YAP1: variants seen among roughly 807,000 people sequenced by gnomAD.
YAP1 encodes the protein Yes1 associated transcriptional regulator.
YAP1 carries 5 observed loss-of-function variants against 56.9 expected under a neutral mutation model. The ratio of observed to expected loss-of-function variants is 0.09; its 90% CI spans 0.05 to 0.18. The LOEUF is 0.18. Among genes scored for constraint, YAP1 ranks in the 10% least tolerant of loss-of-function variants. The pLI, the probability that YAP1 is intolerant of heterozygous loss-of-function variation, is 1.00. For missense variants in YAP1, 539 were observed against 651.8 expected (o/e 0.83, Z 1.88); for synonymous variants, 265 against 248.1 (o/e 1.07, Z -0.64).
At chr11:102,165,998 A>G (rs753213044) in intron 3 of YAP1, among the ~76,000 whole-genome samples, 1 of 152,196 alleles carries the variant, frequency 6.6e-6, no homozygotes, top group Non-Finnish European at 1.5e-5. Context: ...ATTCAAAGAG[A>G]GCACTCGAGG....
intron 1 of YAP1, chr11:102,112,885 C>T (rs538168961): frequency 1.7e-6 from 1 of 605,824 alleles, no homozygotes; most frequent in African/African-American, 2.0e-5. Context: ...TTTGTGGCAT[C>T]AGCCACAAAG....
At chr11:102,127,716 G>A (rs1223533359) in intron 2 of YAP1, among the ~76,000 whole-genome samples, 1 of 152,218 alleles carries the variant, frequency 6.6e-6, no homozygotes, top group Non-Finnish European at 1.5e-5. Flanking sequence ...CAGAATGGTA[G>A]ATCCACTGAC....
In YAP1 at chr11:102,164,281, C is replaced by A. The variant is rs917202740; in HGVS notation, c.688+1710C>A. ...AACTCCTGACCTTGTGATCTGCCCA[C>A]CTTGGCCTCCCAAAGTGCTGGGATA... On this transcript the variant is annotated intron_variant, in intron 3 of 8. Transcript: ENST00000282441. Among the ~76,000 whole-genome samples, 275 of 152,288 alleles carry A rather than the reference C, an allele frequency of 1.8e-3. 7 individuals are homozygous for A. The highest frequency in any genetic ancestry group is 7.6e-4 in the Non-Finnish European group (52 of 68,020).
At chr11:102,221,021 G>A (rs1949902266) in intron 6 of YAP1, among the ~76,000 whole-genome samples, 1 of 152,194 alleles carries the variant, frequency 6.6e-6, no homozygotes, top group Admixed American at 6.5e-5. Context: ...GGATCTTAGT[G>A]GCTGTGCAAT....
At position 102,114,468 on chromosome 11, in the gene YAP1, A is replaced by G. The variant is rs1044766807; in HGVS notation, c.572+74A>G. ...TGGAAAACACAGTAAAGTGGTGTCAAGATACAGAATATCATTTATTTTTAT... is the reference window on the plus strand; with the variant it reads ...TGGAAAACACAGTAAAGTGGTGTCAGGATACAGAATATCATTTATTTTTAT... On this transcript the variant is annotated intron_variant, in intron 2 of 8. Coordinates refer to ENST00000282441, the MANE Select transcript of YAP1 (RefSeq NM_001130145.3). 12 of 1,506,316 alleles carry G rather than the reference A, an allele frequency of 8.0e-6. No individual in the cohort carries two copies. The African/African-American group carries it at 1.4e-4, about 17-fold the overall frequency. 93.3% of individuals were successfully genotyped at this position (1,506,316 alleles called of 1,614,324 possible). A position where few individuals can be genotyped will look rare whatever the true frequency, so the allele number is the denominator to read the frequency against.
chr11:102,222,131 T>C (rs1293757321), intron 6 of YAP1, among the ~76,000 whole-genome samples: 2 of 152,160 alleles, frequency 1.3e-5, no homozygotes, highest in Non-Finnish European at 2.9e-5. Context: ...TAGGAGAAGC[T>C]TTCCATACTT....
chr11:102,127,732 G>T (rs1944118669), intron 2 of YAP1, among the ~76,000 whole-genome samples: 1 of 152,150 alleles, frequency 6.6e-6, no homozygotes, highest in Admixed American at 6.5e-5. Context: ...CTGACACCTT[G>T]CATCGTGCTC....
chr11:102,205,879 T>C lies in YAP1; in HGVS notation c.803-14T>C. On this transcript the variant is annotated splice_polypyrimidine_tract_variant and intron_variant, in intron 4 of 8. Coordinates refer to ENST00000282441, the MANE Select transcript of YAP1 (RefSeq NM_001130145.3). ...AGTTTTTTAGGACAGATTTTTTTTT[T>C]CTTTTCATTTCAGCCATGAACCAGA... 6.8e-7 allele frequency: 1 copy of C among 1,470,664 alleles called. No homozygotes were observed. The highest frequency in any genetic ancestry group is 9.0e-7 in the Non-Finnish European group (1 of 1,105,112). The allele number at this position is 1,470,664 out of a possible 1,614,324, so 91.1% of individuals were successfully genotyped here.
chr11:102,150,173 G>A (rs1249646160), intron 2 of YAP1, among the ~76,000 whole-genome samples: 1 of 151,688 alleles, frequency 6.6e-6, no homozygotes, highest in African/African-American at 2.4e-5. Context: ...TACTAGAGAC[G>A]AGGTTTCACC....
At chr11:102,132,872 A>G (rs1036960654) in intron 2 of YAP1, among the ~76,000 whole-genome samples, 1 of 152,178 alleles carries the variant, frequency 6.6e-6, no homozygotes, top group Non-Finnish European at 1.5e-5. Context: ...TTTTACTGGC[A>G]TAGGGGCCCG....
intron 2 of YAP1, among the ~76,000 whole-genome samples, chr11:102,161,053 CTTTT>C (rs67023819): frequency 4.0e-5 from 3 of 75,492 alleles, no homozygotes; most frequent in Admixed American, 1.9e-4. Context: ...TAATTTCTTT[CTTTT>C]TTTTTTTTTT....
chr11:102,126,343 G>A (rs576764065), intron 2 of YAP1, among the ~76,000 whole-genome samples: 10 of 152,284 alleles, frequency 6.6e-5, no homozygotes, highest in Admixed American at 1.3e-4. Flanking sequence ...AAATCTCAAT[G>A]TGAATTTTAT....
At position 102,196,225 on chromosome 11, in the gene YAP1, G is replaced by A. The variant is rs547047443; in HGVS notation, c.803-9668G>A. ...AAGAATTGGGAACGTATGTCTCCAC[G>A]TTGTGGGAACGTATGTCTCCACAAA... is the stretch of plus-strand genomic sequence containing the variant. On this transcript the variant is annotated intron_variant, in intron 4 of 8. Coordinates refer to ENST00000282441, the MANE Select transcript of YAP1 (RefSeq NM_001130145.3). Among the ~76,000 whole-genome samples the A allele has an allele frequency of 4.6e-5, 7 of 152,042 alleles. No homozygotes were observed. The South Asian group carries it at 6.2e-4, about 14-fold the overall frequency.
chr11:102,205,291 A>T (rs1949063998), intron 4 of YAP1, among the ~76,000 whole-genome samples: 1 of 151,976 alleles, frequency 6.6e-6, no homozygotes, highest in South Asian at 2.1e-4. Context: ...TACTTGCTTT[A>T]TTGGGATGTG....
chr11:102,201,135 G>A (rs538864039), intron 4 of YAP1, among the ~76,000 whole-genome samples: 10 of 152,140 alleles, frequency 6.6e-5, no homozygotes, highest in Non-Finnish European at 1.2e-4. Flanking sequence ...ATTCTGTACA[G>A]TACTCTTTAC....
rs371308130 is a variant in YAP1 at position 102,191,495 on chromosome 11, C to T, written c.802+5364C>T. On this transcript the variant is annotated intron_variant, in intron 4 of 8. Coordinates refer to ENST00000282441, the MANE Select transcript of YAP1 (RefSeq NM_001130145.3). ...GAAATTTGAATTTGATCTTTTGATA[C>T]CTAGAATTTAAAAGAAATTTAGATT... Among the ~76,000 whole-genome samples, 20 of 151,914 alleles carry T rather than the reference C, an allele frequency of 1.3e-4. No individual in the cohort carries two copies. The East Asian group carries it at 2.5e-3, about 19-fold the overall frequency.
intron 2 of YAP1, among the ~76,000 whole-genome samples, chr11:102,160,405 T>A (rs1461812401): frequency 1.3e-5 from 2 of 152,218 alleles, no homozygotes; most frequent in Non-Finnish European, 2.9e-5. Context: ...AGTTTATCTC[T>A]TTACCAGTGC....
intron 2 of YAP1, among the ~76,000 whole-genome samples, chr11:102,116,244 A>G (rs1055921280): frequency 1.3e-5 from 2 of 152,244 alleles, no homozygotes; most frequent in African/African-American, 4.8e-5. Flanking sequence ...TAATGTAACA[A>G]CTATTTAGCC....
chr11:102,144,597 C>T (rs2135309570), intron 2 of YAP1, among the ~76,000 whole-genome samples: 1 of 152,238 alleles, frequency 6.6e-6, no homozygotes, highest in East Asian at 1.9e-4. Flanking sequence ...CACTTGGTGC[C>T]ACCCTGTCTG....
Sources: gnomAD v4.1 joint callset for allele counts (sites outside exome capture counted in the v4.1 genomes callset) on GRCh38, gnomAD v4.1.1 for gene constraint, MANE v1.5 for transcripts, NCBI Gene and HGNC (gene_info 2026-07-23, HGNC 2026-07-21) for gene names.